The following ARHGAP8 variants were observed in gnomAD, a reference collection of about 807,000 sequenced individuals.
ARHGAP8 encodes Rho GTPase activating protein 8, also known as rho GTPase-activating protein 8.
Under a neutral mutation model 46.1 loss-of-function variants are expected in ARHGAP8, and 62 were observed. The ratio of observed to expected loss-of-function variants is 1.34; its 90% confidence interval spans 1.10 to 1.66. The LOEUF (loss-of-function observed/expected upper bound fraction) is 1.66, where lower values mean the gene tolerates loss of function less well. ARHGAP8 is among the 40% of genes most tolerant of loss of function. ARHGAP8 has a pLI of 0.00. For synonymous variants in ARHGAP8, 375 were observed against 243.1 expected, an observed-to-expected ratio of 1.54 and a Z score of -5.05; for missense variants, 923 against 568.4, an observed-to-expected ratio of 1.62 and a Z score of -6.34.
At chr22:44,784,948 G>A (rs1927106350) in intron 1 of ARHGAP8, among the ~76,000 whole-genome samples, 1 of 152,188 alleles carries the variant, frequency 6.6e-6, no homozygotes, top group Non-Finnish European at 1.5e-5. Flanking sequence ...TTGATGAACA[G>A]GGGCCTTGGC....
rs1327160962 is a variant in ARHGAP8 at position 44,812,872 on chromosome 22, A to G, written c.300-1800A>G. ...CTCACTTATTTATCTCAGTGTGGAC[A>G]TGTGTAAAATGTCCTATTTTATTCA... is the stretch of plus-strand genomic sequence containing the variant. On this transcript the variant is annotated intron_variant, in intron 4 of 11. Transcript: ENST00000356099. Among the ~76,000 whole-genome samples, 5 of 152,226 alleles carry G rather than the reference A, an allele frequency of 3.3e-5. No homozygotes were observed. The East Asian group carries it at 5.8e-4, about 18-fold the overall frequency.
chr22:44,855,577 T>A (rs1367606955), intron 10 of ARHGAP8, among the ~76,000 whole-genome samples: 1 of 152,268 alleles, frequency 6.6e-6, no homozygotes, highest in Non-Finnish European at 1.5e-5. Flanking sequence ...ATTTTTTTCT[T>A]TGGCCAGTTT....
intron 7 of ARHGAP8, among the ~76,000 whole-genome samples, chr22:44,827,038 TTAAG>T (rs1463207836): frequency 6.6e-6 from 1 of 152,048 alleles, no homozygotes; most frequent in Non-Finnish European, 1.5e-5. Flanking sequence ...GCAGAAATGA[TTAAG>T]TAAAGGATCT....
chr22:44,845,332 G>C lies in ARHGAP8; in HGVS notation c.660G>C (p.Leu220=), dbSNP rs1181646352. The C allele has an allele frequency of 6.2e-7, 1 of 1,614,012 alleles. No individual in the cohort carries two copies. Among genetic ancestry groups the C allele is most frequent in the Admixed American group, 1.7e-5 (1 of 60,004 alleles). Reference sequence around the variant, plus strand: ...TGCTGAGGTTCACAGTGACGTACCTGAGAGAGAAAGGTGAGACGGGGCCGG... The same window carrying C: ...TGCTGAGGTTCACAGTGACGTACCTCAGAGAGAAAGGTGAGACGGGGCCGG... ...PPVLRFTVTY[L]REKGLRTEGL... Residue 220 remains leucine, a synonymous_variant, in exon 8 of 12, where the codon CTG becomes CTC. Transcript: ENST00000356099.
intron 10 of ARHGAP8, among the ~76,000 whole-genome samples, chr22:44,852,042 T>C (rs1472231439): frequency 1.3e-5 from 2 of 151,470 alleles, no homozygotes; most frequent in South Asian, 2.1e-4. Flanking sequence ...AATACAAAAA[T>C]TAGCTGGGCG....
chr22:44,833,344 G>GTGGTTGGT (rs150439071), intron 7 of ARHGAP8, among the ~76,000 whole-genome samples: 16 of 151,694 alleles, frequency 1.1e-4, no homozygotes, highest in South Asian at 4.2e-4. Flanking sequence ...AGTTTGTTGA[G>GTGGTTGGT]TGGTTGGTTG....
chr22:44,833,076 T>TTTTTC lies in ARHGAP8; in HGVS notation c.596+7503_596+7507dup, dbSNP rs61552450. Among the ~76,000 whole-genome samples the TTTTTC allele has an allele frequency of 6.8e-3, 883 of 130,180 alleles. 9 individuals are homozygous for TTTTTC. Among genetic ancestry groups the TTTTTC allele is most frequent in the African/African-American group, 0.019 (597 of 32,070 alleles). 85.4% of individuals were successfully genotyped at this position (130,180 alleles called of 152,430 possible). ...CCCTTTATCAGGTTAAGAACCATCT[T>TTTTTC]TTTTCTTTTCTTTTCTTTTCTTTTT... On this transcript the variant is annotated intron_variant, in intron 7 of 11. Coordinates refer to ENST00000356099, the MANE Select transcript of ARHGAP8 (RefSeq NM_181335.3).
chr22:44,813,355 A>G (rs1929478813), intron 4 of ARHGAP8, among the ~76,000 whole-genome samples: 1 of 151,156 alleles, frequency 6.6e-6, no homozygotes, highest in African/African-American at 2.4e-5. Context: ...ACATACACTT[A>G]CACACACCTA....
intron 10 of ARHGAP8, among the ~76,000 whole-genome samples, chr22:44,853,668 A>C (rs2070150126): frequency 6.6e-6 from 1 of 152,208 alleles, no homozygotes; most frequent in Non-Finnish European, 1.5e-5. Context: ...CCTTGCTAGA[A>C]CTTTTAATAA....
chr22:44,823,183 A>G (rs1473102978), intron 6 of ARHGAP8, among the ~76,000 whole-genome samples: 2 of 152,144 alleles, frequency 1.3e-5, no homozygotes, highest in African/African-American at 4.8e-5. Flanking sequence ...GCTGGGATAT[A>G]GAGGTGTTTA....
In ARHGAP8 at chr22:44,814,721, A is replaced by G. The variant is rs1929609695; in HGVS notation, c.349A>G (p.Ile117Val). 6.2e-7 allele frequency: 1 copy of G among 1,613,874 alleles called. No individual in the cohort carries two copies. Among genetic ancestry groups the G allele is most frequent in the African/African-American group, 1.3e-5 (1 of 74,888 alleles). Residue 117 changes from isoleucine (I) to valine (V), a missense_variant, in exon 5 of 12, where the codon ATC becomes GTC. Transcript: ENST00000356099. Reference sequence around the variant, plus strand: ...CTACGTGGTGCACCCCACCAGCTTCATCAAGGTCCTGTGGAACATCTTGAA... The same window carrying G: ...CTACGTGGTGCACCCCACCAGCTTCGTCAAGGTCCTGTGGAACATCTTGAA... ...ALYVVHPTSF[I>V]KVLWNILKPL...
chr22:44,753,716 C>T (rs558999951), intron 1 of ARHGAP8, among the ~76,000 whole-genome samples: 1 of 152,098 alleles, frequency 6.6e-6, no homozygotes, highest in Non-Finnish European at 1.5e-5. Flanking sequence ...GAGAAGGAAC[C>T]GCAGAGTCCA....
chr22:44,862,195 T>TCCCTAAGTTCGGGAGGGAGTTC (rs994234908), intron 11 of ARHGAP8, 80 bp from the exon 12 acceptor site: 4 of 1,508,714 alleles, frequency 2.7e-6, no homozygotes, highest in Non-Finnish European at 3.6e-6. Context: ...CCTACGCCTC[T>TCCCTAAGTTCGGGAGGGAGTTC]CCCTAAGTTC....
rs1438742566 is a variant in ARHGAP8, at chr22:44,786,565, C to T, written c.38C>T (p.Pro13Leu). The change falls in exon 2 of 12, where the codon CCG (proline) becomes CTG (leucine). Residue 13 changes from proline (P) to leucine (L), a missense_variant. Transcript: ENST00000356099. ...GQDPALSTSH[P>L]FYDVARHGIL... ...GATCCTGCGCTGAGCACGAGTCACC[C>T]GTTCTACGACGTGGCCAGACATGGC... 1.4e-5 allele frequency: 22 copies of T among 1,613,396 alleles called. No individual in the cohort carries two copies. Among genetic ancestry groups the T allele is most frequent in the South Asian group, 8.8e-5 (8 of 90,992 alleles).
At chr22:44,822,568 T>C in intron 6 of ARHGAP8, 99 bp downstream of exon 6, 1 of 1,126,506 alleles carries the variant, frequency 8.9e-7, no homozygotes, top group Non-Finnish European at 1.2e-6. Context: ...GATTTCCAAA[T>C]GTGTGCTTGG....
At chr22:44,837,558 G>C (rs530835786) in intron 7 of ARHGAP8, among the ~76,000 whole-genome samples, 1 of 152,138 alleles carries the variant, frequency 6.6e-6, no homozygotes, top group African/African-American at 2.4e-5. Context: ...GGTGTGATAC[G>C]ATTCACCGGC....
At chr22:44,818,983 A>G (rs1569160998) in intron 5 of ARHGAP8, among the ~76,000 whole-genome samples, 2 of 152,090 alleles carry the variant, frequency 1.3e-5, no homozygotes, top group Non-Finnish European at 2.9e-5. Flanking sequence ...ATAGGAGCGC[A>G]CCATGTTGAC....
chr22:44,841,269 G>C (rs1340290196), intron 7 of ARHGAP8, among the ~76,000 whole-genome samples: 1 of 152,250 alleles, frequency 6.6e-6, no homozygotes, highest in East Asian at 1.9e-4. Flanking sequence ...GTCTCTGTGC[G>C]AGCGTGATTT....
Position 44,862,335 on chromosome 22 carries a change from C to T in ARHGAP8, c.1042C>T (p.Leu348=). Residue 348 remains leucine (L), a synonymous_variant, in exon 12 of 12, where the codon CTG becomes TTG. Transcript: ENST00000356099. ...NSSNLACVFG[L]NLIWPSQGVS... ...CTCTAACCTGGCCTGTGTCTTCGGG[C>T]TGAATTTGATCTGGCCATCCCAGGG... 1 of 1,613,926 alleles carries T rather than the reference C, an allele frequency of 6.2e-7. No individual in the cohort carries two copies. Among genetic ancestry groups the T allele is most frequent in the Non-Finnish European group, 8.5e-7 (1 of 1,179,884 alleles).
Sources: gnomAD v4.1 joint callset for allele counts (sites outside exome capture counted in the v4.1 genomes callset) on GRCh38, gnomAD v4.1.1 for gene constraint, MANE v1.5 for transcripts, NCBI Gene and HGNC (gene_info 2026-07-23, HGNC 2026-07-21) for gene names.